Variants in PRKAR1B observed in about 807,000 individuals in gnomAD.
The protein encoded by PRKAR1B is cAMP-dependent protein kinase type I-beta regulatory subunit.
PRKAR1B carries 22 observed loss-of-function variants against 46.5 expected under a neutral mutation model. The ratio of observed to expected loss-of-function variants is 0.47; its 90% CI spans 0.34 to 0.68. The LOEUF (loss-of-function observed/expected upper bound fraction) is 0.68. PRKAR1B is among the 30% of genes least tolerant of loss of function. The probability of loss-of-function intolerance (pLI) is 0.01; values close to 1 mark genes in which losing one functional copy is unlikely to be tolerated. For synonymous variants in PRKAR1B, 259 were observed against 217.7 expected (o/e 1.19, Z -1.67); for missense variants, 445 against 535.6 (o/e 0.83, Z 1.67).
Position 607,518 on chromosome 7 carries a change from C to T in PRKAR1B, c.441-66G>A, listed in dbSNP as rs543771352. 34 of 1,347,896 alleles carry T rather than the reference C, an allele frequency of 2.5e-5. 2 individuals are homozygous for T. In the South Asian group the frequency reaches 3.4e-4, roughly 14 times the overall value. The allele number at this position is 1,347,896 out of a possible 1,614,324, so 83.5% of individuals were successfully genotyped here. ...CAGGGACATTTAAACCCTTCCTCCC[C>T]TCATTTCACAGTCTTGTGTAAATCG... On this transcript the variant is annotated intron_variant, in intron 4 of 10. Transcript: ENST00000537384.
At position 568,890 on chromosome 7, in the gene PRKAR1B, G is replaced by A. The variant is rs551192854; in HGVS notation, c.891+10366C>T. Among the ~76,000 whole-genome samples, 12 of 152,186 alleles carry A rather than the reference G, an allele frequency of 7.9e-5. No homozygotes were observed. In the East Asian group the frequency reaches 1.7e-3, roughly 22 times the overall value. ...CCTGCGCGGCGGTGCCCCGAGATAC[G>A]GGTGGGAAACAAGATCTGGAAATGT... On this transcript the variant is annotated intron_variant, in intron 9 of 10. Transcript: ENST00000537384.
In PRKAR1B at chr7:727,235, G is replaced by A. The variant is rs1337262848; in HGVS notation, c.-48C>T. 38 of 1,359,016 alleles carry A rather than the reference G, an allele frequency of 2.8e-5. No individual in the cohort carries two copies. In the African/African-American group the frequency reaches 3.1e-4, roughly 11 times the overall value. 84.2% of individuals were successfully genotyped at this position (1,359,016 alleles called of 1,614,324 possible). On this transcript the variant is annotated 5_prime_UTR_variant, in exon 1 of 11. Transcript: ENST00000537384. ...CTGGACGACGCTCTGCGCGCGCTGC[G>A]CTGCTCCCTGCTCGACCCCTTCGCC... is the stretch of plus-strand genomic sequence containing the variant.
intron 1 of PRKAR1B, among the ~76,000 whole-genome samples, chr7:716,079 A>G (rs897858902): frequency 1.3e-5 from 2 of 150,674 alleles, no homozygotes; most frequent in Non-Finnish European, 3.0e-5. Flanking sequence ...ACAGGGTCTC[A>G]CTCTGTCGCC....
chr7:694,592 G>GC (rs142800759), intron 2 of PRKAR1B, among the ~76,000 whole-genome samples: 5,067 of 152,172 alleles, frequency 0.033, 314 homozygotes, highest in African/African-American at 0.12. Flanking sequence ...TCCATAGGAA[G>GC]TTTTGGGTCC....
At chr7:626,022 AAAAAAG>A (rs1486956200) in intron 4 of PRKAR1B, among the ~76,000 whole-genome samples, 10 of 148,344 alleles carry the variant, frequency 6.7e-5, no homozygotes, top group Admixed American at 2.7e-4. Flanking sequence ...AAAAAAAAAA[AAAAAAG>A]AAAGAAAGAA....
chr7:554,846 C>T lies in PRKAR1B; in HGVS notation c.892-3376G>A, dbSNP rs968332518. ...CAGAGCCGGAAGACAGGGGAGGCCA[C>T]GGATCCCACAGAGCCGGAAGATAGG... On this transcript the variant is annotated intron_variant, in intron 9 of 10. Transcript: ENST00000537384. Among the ~76,000 whole-genome samples, 13 of 152,116 alleles carry T rather than the reference C, an allele frequency of 8.5e-5. 1 individual carries two copies. Among genetic ancestry groups the T allele is most frequent in the Admixed American group, 7.9e-4 (12 of 15,274 alleles).
At chr7:641,938 C>T (rs2128485439) in intron 4 of PRKAR1B, among the ~76,000 whole-genome samples, 1 of 152,228 alleles carries the variant, frequency 6.6e-6, no homozygotes, top group Admixed American at 6.5e-5. Flanking sequence ...GGGTCTCACT[C>T]TGTCACCCAG....
chr7:617,358 G>A lies in PRKAR1B; in HGVS notation c.441-9906C>T, dbSNP rs1262972304. Among the ~76,000 whole-genome samples, 10 of 148,618 alleles carry A rather than the reference G, an allele frequency of 6.7e-5. No homozygotes were observed. The South Asian group carries it at 1.9e-3, about 29-fold the overall frequency. On this transcript the variant is annotated intron_variant, in intron 4 of 10. Coordinates refer to ENST00000537384, the MANE Select transcript of PRKAR1B (RefSeq NM_001164760.2). ...CTCACTCTGCCACCCAGGCTGGAGT[G>A]CAGTGGTAGCATCACAGCTCACTTC...
At chr7:570,107 G>A (rs1000468910) in intron 9 of PRKAR1B, among the ~76,000 whole-genome samples, 9 of 152,254 alleles carry the variant, frequency 5.9e-5, no homozygotes, top group East Asian at 3.9e-4. Context: ...CACAGTGACC[G>A]CTGGGCAGAG....
chr7:625,549 A>G (rs1276644783), intron 4 of PRKAR1B, among the ~76,000 whole-genome samples: 4 of 152,206 alleles, frequency 2.6e-5, no homozygotes, highest in Non-Finnish European at 5.9e-5. Context: ...TCCCATGGAC[A>G]AGGGGCATAA....
At chr7:576,612 G>A (rs1779850319) in intron 9 of PRKAR1B, among the ~76,000 whole-genome samples, 1 of 151,894 alleles carries the variant, frequency 6.6e-6, no homozygotes, top group Non-Finnish European at 1.5e-5. Flanking sequence ...GGAGCTCCGT[G>A]AAGCTGGCTG....
At chr7:705,958 A>G (rs1002271982) in intron 2 of PRKAR1B, among the ~76,000 whole-genome samples, 3 of 151,940 alleles carry the variant, frequency 2.0e-5, no homozygotes, top group Admixed American at 1.3e-4. Flanking sequence ...CCCAGGAGGC[A>G]GAGGTTGCAG....
intron 4 of PRKAR1B, among the ~76,000 whole-genome samples, chr7:639,829 C>G (rs1784295116): frequency 6.6e-6 from 1 of 151,756 alleles, no homozygotes; most frequent in African/African-American, 2.4e-5. Flanking sequence ...TGCACTCCAG[C>G]CTGGGCAACA....
chr7:682,408 G>C (rs1778738559), intron 2 of PRKAR1B, among the ~76,000 whole-genome samples: 1 of 151,890 alleles, frequency 6.6e-6, no homozygotes, highest in Non-Finnish European at 1.5e-5. Context: ...TTGGCCCCAG[G>C]AGTTCAAGAC....
chr7:629,112 C>G (rs1350521750), intron 4 of PRKAR1B, among the ~76,000 whole-genome samples: 1 of 152,264 alleles, frequency 6.6e-6, no homozygotes, highest in African/African-American at 2.4e-5. Context: ...CCAAGCCTGG[C>G]TGCCTTCCTC....
intron 4 of PRKAR1B, among the ~76,000 whole-genome samples, chr7:614,346 G>C (rs2128470096): frequency 6.6e-6 from 1 of 152,332 alleles, no homozygotes; most frequent in Middle Eastern, 3.4e-3. Flanking sequence ...AAAAGGCTGG[G>C]TTGAATGCCT....
chr7:657,177 G>A (rs1266198815), intron 4 of PRKAR1B, among the ~76,000 whole-genome samples: 7 of 151,540 alleles, frequency 4.6e-5, no homozygotes, highest in African/African-American at 1.7e-4. Flanking sequence ...GGATGCATGA[G>A]TGAATGTGTG....
intron 1 of PRKAR1B, among the ~76,000 whole-genome samples, chr7:720,240 TAA>T (rs773587569): frequency 6.6e-6 from 1 of 152,040 alleles, no homozygotes; most frequent in Non-Finnish European, 1.5e-5. Context: ...GCATTTTTAG[TAA>T]AGACAGGATT....
chr7:596,412 G>C, intron 6 of PRKAR1B, 108 bp from the exon 7 acceptor site: 2 of 1,353,942 alleles, frequency 1.5e-6, no homozygotes, highest in Admixed American at 2.4e-5. Flanking sequence ...GGTCCCCGCA[G>C]GGCGGGGCAC....
Sources: gnomAD v4.1 joint callset for allele counts (sites outside exome capture counted in the v4.1 genomes callset) on GRCh38, gnomAD v4.1.1 for gene constraint, MANE v1.5 for transcripts, NCBI Gene and HGNC (gene_info 2026-07-23, HGNC 2026-07-21) for gene names.